CFAP299: variants seen among roughly 807,000 people sequenced by gnomAD.
The protein encoded by CFAP299 is cilia- and flagella-associated protein 299.
Under a neutral mutation model 27.0 loss-of-function variants are expected in CFAP299, and 21 were observed. The ratio of observed to expected loss-of-function variants is 0.78; its 90% confidence interval spans 0.55 to 1.12. The LOEUF is 1.12. Among genes scored for constraint, CFAP299 ranks in the 50% most tolerant of loss-of-function variants. CFAP299 has a pLI of 0.00. For missense variants in CFAP299, 310 were observed against 276.6 expected, an observed-to-expected ratio of 1.12 and a Z score of -0.86; for synonymous variants, 104 against 98.1, an observed-to-expected ratio of 1.06 and a Z score of -0.36.
At chr4:80,349,776 A>G (rs1484270684) in intron 1 of CFAP299, among the ~76,000 whole-genome samples, 2 of 152,236 alleles carry the variant, frequency 1.3e-5, no homozygotes, top group Non-Finnish European at 2.9e-5. Context: ...AGGAAACGTC[A>G]TACTCAGTGT....
In CFAP299 at chr4:80,475,527, G is replaced by A. The variant is rs1428227185; in HGVS notation, c.243-107566G>A. On this transcript the variant is annotated intron_variant, in intron 2 of 5. Coordinates refer to ENST00000358105, the MANE Select transcript of CFAP299 (RefSeq NM_152770.3). ...TTTGGCCTGAGCAACTGGGTAAATT[G>A]TAGTGTCATTAACTGACACTGGAAG... 2.6e-5 allele frequency among the ~76,000 whole-genome samples: 4 copies of A among 152,212 alleles called. No homozygotes were observed. In the East Asian group the frequency reaches 7.7e-4, roughly 29 times the overall value.
intron 3 of CFAP299, among the ~76,000 whole-genome samples, chr4:80,742,085 T>C (rs1254447206): frequency 2.0e-5 from 3 of 152,158 alleles, no homozygotes; most frequent in African/African-American, 7.2e-5. Flanking sequence ...GAAGGGTCAC[T>C]TCAAGGATTC....
chr4:80,335,586 A>G, upstream of CFAP299: 1 of 604,706 alleles, frequency 1.7e-6, no homozygotes, highest in South Asian at 1.8e-5. Flanking sequence ...TGGGTGGGTA[A>G]TTCCAGAAAG....
chr4:80,570,951 A>G (rs953286018), intron 2 of CFAP299, among the ~76,000 whole-genome samples: 2 of 152,180 alleles, frequency 1.3e-5, no homozygotes, highest in Non-Finnish European at 2.9e-5. Context: ...AAGAAACAAT[A>G]TATTACAAAT....
intron 3 of CFAP299, among the ~76,000 whole-genome samples, chr4:80,587,595 T>C (rs1736515620): frequency 6.6e-6 from 1 of 152,136 alleles, no homozygotes; most frequent in Non-Finnish European, 1.5e-5. Context: ...AGGTGGTTTT[T>C]TTTCTTTTCT....
chr4:80,895,706 G>A (rs2110190672), intron 4 of CFAP299, among the ~76,000 whole-genome samples: 1 of 152,064 alleles, frequency 6.6e-6, no homozygotes, highest in East Asian at 1.9e-4. Flanking sequence ...AAGCTATATA[G>A]GAGCAGCCCA....
At chr4:80,372,309 A>T (rs1724185077) in intron 2 of CFAP299, among the ~76,000 whole-genome samples, 1 of 152,104 alleles carries the variant, frequency 6.6e-6, no homozygotes, top group Non-Finnish European at 1.5e-5. Context: ...AACAGGCCTC[A>T]CCTCCAACAC....
chr4:80,430,696 C>G (rs900884673), intron 2 of CFAP299, among the ~76,000 whole-genome samples: 2 of 152,174 alleles, frequency 1.3e-5, no homozygotes, highest in Non-Finnish European at 2.9e-5. Flanking sequence ...ATAGAGACTC[C>G]TGAGCATCCC....
intron 3 of CFAP299, among the ~76,000 whole-genome samples, chr4:80,686,647 G>C (rs1235470313): frequency 6.6e-6 from 1 of 152,198 alleles, no homozygotes; most frequent in East Asian, 1.9e-4. Context: ...CAAATTCCAA[G>C]GAGCCAGAAG....
At chr4:80,393,325 T>G (rs1430725940) in intron 2 of CFAP299, among the ~76,000 whole-genome samples, 2 of 152,182 alleles carry the variant, frequency 1.3e-5, no homozygotes, top group Non-Finnish European at 2.9e-5. Context: ...AAGCTAAGAT[T>G]AATTTATTAT....
chr4:80,504,462 CATATATATAT>C (rs56729877), intron 2 of CFAP299, among the ~76,000 whole-genome samples: 930 of 37,790 alleles, frequency 0.025, 16 homozygotes, highest in Middle Eastern at 0.077. Context: ...TAAAATCTCA[CATATATATAT>C]ATATATATAT....
chr4:80,573,082 C>A (rs1468646230), intron 2 of CFAP299, among the ~76,000 whole-genome samples: 1 of 152,090 alleles, frequency 6.6e-6, no homozygotes, highest in Non-Finnish European at 1.5e-5. Flanking sequence ...ATTTACAGTG[C>A]TATCAACAGT....
intron 4 of CFAP299, among the ~76,000 whole-genome samples, chr4:80,920,744 T>C (rs1736001929): frequency 6.6e-6 from 1 of 152,130 alleles, no homozygotes; most frequent in Admixed American, 6.6e-5. Context: ...CTCTGGTCTC[T>C]GTTTCTACCT....
chr4:80,677,646 A>G (rs1719552935), intron 3 of CFAP299, among the ~76,000 whole-genome samples: 2 of 152,094 alleles, frequency 1.3e-5, no homozygotes. Context: ...CGGAAAAAAT[A>G]AAACAAATCT....
chr4:80,828,132 A>G (rs1367545469), intron 3 of CFAP299, among the ~76,000 whole-genome samples: 1 of 152,086 alleles, frequency 6.6e-6, no homozygotes, highest in Non-Finnish European at 1.5e-5. Context: ...GACAATGTAC[A>G]GATTCAATGC....
At chr4:80,447,259 C>T (rs1313004719) in intron 2 of CFAP299, among the ~76,000 whole-genome samples, 1 of 141,798 alleles carries the variant, frequency 7.1e-6, no homozygotes, top group Non-Finnish European at 1.5e-5. Context: ...CCTCAGCCTC[C>T]CAAGTAGCTG....
intron 2 of CFAP299, among the ~76,000 whole-genome samples, chr4:80,543,091 G>T (rs983124486): frequency 8.5e-5 from 13 of 152,312 alleles, no homozygotes; most frequent in Non-Finnish European, 1.6e-4. Context: ...CAGTTCACCA[G>T]TGCAGAGCTT....
chr4:80,550,277 A>G (rs943252396), intron 2 of CFAP299, among the ~76,000 whole-genome samples: 19 of 152,220 alleles, frequency 1.2e-4, no homozygotes, highest in African/African-American at 3.8e-4. Context: ...CCTGTGAATT[A>G]TGTTACATCT....
At chr4:80,915,225 C>T (rs2110206661) in intron 4 of CFAP299, among the ~76,000 whole-genome samples, 1 of 151,240 alleles carries the variant, frequency 6.6e-6, no homozygotes, top group South Asian at 2.1e-4. Context: ...ATTTTTATTT[C>T]AGTTTGGTTT....
Sources: gnomAD v4.1 joint callset for allele counts (sites outside exome capture counted in the v4.1 genomes callset) on GRCh38, gnomAD v4.1.1 for gene constraint, MANE v1.5 for transcripts, NCBI Gene and HGNC (gene_info 2026-07-23, HGNC 2026-07-21) for gene names.